Variants in MELK observed in about 807,000 individuals in gnomAD.
MELK encodes the protein maternal embryonic leucine zipper kinase.
Under a neutral mutation model 85.0 loss-of-function variants are expected in MELK, and 81 were observed. The ratio of observed to expected loss-of-function variants is 0.95; its 90% CI spans 0.80 to 1.15. The LOEUF (loss-of-function observed/expected upper bound fraction) is 1.15, where lower values mean the gene tolerates loss of function less well. Ranked by LOEUF, MELK falls within the 50% of genes most tolerant of loss-of-function variation. The probability of loss-of-function intolerance (pLI) is 0.00; values close to 1 mark genes in which losing one functional copy is unlikely to be tolerated. For synonymous variants in MELK, 252 were observed against 265.0 expected (o/e 0.95, Z 0.48); for missense variants, 754 against 777.5 (o/e 0.97, Z 0.36).
chr9:36,632,981 A>G, intron 9 of MELK, 121 bp from the exon 10 acceptor site: 2 of 714,002 alleles, frequency 2.8e-6, no homozygotes, highest in Non-Finnish European at 4.7e-6. Flanking sequence ...AGTCTTTGAC[A>G]GCATTTTTGT....
intron 8 of MELK, among the ~76,000 whole-genome samples, chr9:36,617,945 G>A (rs555721056): frequency 4.6e-5 from 7 of 151,908 alleles, no homozygotes; most frequent in South Asian, 4.2e-4. Flanking sequence ...GGGCAACATC[G>A]TGAGACTCCG....
At chr9:36,664,822 CAG>C (rs1221659987) in intron 13 of MELK, among the ~76,000 whole-genome samples, 3 of 152,288 alleles carry the variant, frequency 2.0e-5, no homozygotes, top group Non-Finnish European at 4.4e-5. Flanking sequence ...CTTAGGGCAG[CAG>C]AGAGTTTCAG....
At chr9:36,647,348 G>T (rs1257020041) in intron 11 of MELK, among the ~76,000 whole-genome samples, 1 of 152,124 alleles carries the variant, frequency 6.6e-6, no homozygotes, top group Non-Finnish European at 1.5e-5. Context: ...TCGTACATGG[G>T]GCTATCATAG....
At chr9:36,633,418 A>G (rs747133452) in intron 10 of MELK, among the ~76,000 whole-genome samples, 3 of 152,204 alleles carry the variant, frequency 2.0e-5, no homozygotes, top group Non-Finnish European at 4.4e-5. Context: ...CCCATCCCAG[A>G]ACACTTAATG....
chr9:36,626,542 G>C (rs1827944755), intron 8 of MELK, among the ~76,000 whole-genome samples: 1 of 152,194 alleles, frequency 6.6e-6, no homozygotes, highest in Non-Finnish European at 1.5e-5. Context: ...AGGCTCTGGA[G>C]AACTTTGTAA....
chr9:36,653,416 G>C (rs1404072701), intron 12 of MELK, among the ~76,000 whole-genome samples: 1 of 152,170 alleles, frequency 6.6e-6, no homozygotes, highest in Non-Finnish European at 1.5e-5. Flanking sequence ...AAAGTGCTGG[G>C]ATTATTGGCA....
intron 8 of MELK, among the ~76,000 whole-genome samples, chr9:36,616,080 G>T (rs993391542): frequency 1.3e-5 from 2 of 152,130 alleles, no homozygotes; most frequent in Non-Finnish European, 2.9e-5. Flanking sequence ...GCTCGCCGGC[G>T]CGGTGGCAAA....
At chr9:36,636,179 A>G (rs922730250) in intron 10 of MELK, among the ~76,000 whole-genome samples, 1 of 152,128 alleles carries the variant, frequency 6.6e-6, no homozygotes, top group South Asian at 2.1e-4. Flanking sequence ...TTATTGCTGC[A>G]TTAAAAACTA....
intron 7 of MELK, among the ~76,000 whole-genome samples, chr9:36,599,715 C>A (rs950190070): frequency 2.0e-5 from 3 of 152,092 alleles, no homozygotes; most frequent in Non-Finnish European, 2.9e-5. Context: ...TTCTGGTGTC[C>A]TTGTTGTGGC....
At chr9:36,591,244 C>T (rs896866273) in intron 4 of MELK, among the ~76,000 whole-genome samples, 3 of 152,036 alleles carry the variant, frequency 2.0e-5, no homozygotes, top group African/African-American at 7.3e-5. Flanking sequence ...AATTTTAAAA[C>T]CTCTTTATAT....
chr9:36,593,043 AGTATT>A (rs1823794242), intron 4 of MELK, among the ~76,000 whole-genome samples: 1 of 152,094 alleles, frequency 6.6e-6, no homozygotes, highest in Non-Finnish European at 1.5e-5. Context: ...TGACTCATAC[AGTATT>A]CTTTTGCTTA....
chr9:36,672,159 C>T (rs991813769), intron 16 of MELK, among the ~76,000 whole-genome samples: 4 of 152,122 alleles, frequency 2.6e-5, no homozygotes, highest in African/African-American at 9.7e-5. Context: ...CATTTCTGTT[C>T]TGTCTTAAAG....
intron 8 of MELK, among the ~76,000 whole-genome samples, chr9:36,615,187 C>G (rs1222436391): frequency 7.0e-6 from 1 of 142,660 alleles, no homozygotes; most frequent in Non-Finnish European, 1.5e-5. Context: ...GGCGGCTGGC[C>G]GGGCGGGGGG....
chr9:36,592,378 G>C (rs1286811973), intron 4 of MELK, among the ~76,000 whole-genome samples: 1 of 151,894 alleles, frequency 6.6e-6, no homozygotes, highest in Non-Finnish European at 1.5e-5. Context: ...GTTTTACCAT[G>C]TTGGCCAGGC....
chr9:36,636,790 G>GTCTGTCTGTCTGTCTGTCTGTCTTTCTT (rs1475022442), intron 10 of MELK, among the ~76,000 whole-genome samples: 1 of 67,620 alleles, frequency 1.5e-5, no homozygotes, highest in Admixed American at 1.8e-4. Context: ...CTTTCTGTCT[G>GTCTGTCTGTCTGTCTGTCTGTCTTTCTT]TCTTTCTTTC....
At chr9:36,615,507 T>C (rs1587443146) in intron 8 of MELK, among the ~76,000 whole-genome samples, 2 of 126,958 alleles carry the variant, frequency 1.6e-5, no homozygotes, top group Admixed American at 7.3e-5. Context: ...CCCCCCCACC[T>C]CCCTCCCGGA....
intron 8 of MELK, among the ~76,000 whole-genome samples, chr9:36,617,338 C>CT (rs988676730): frequency 7.3e-4 from 105 of 143,900 alleles, no homozygotes; most frequent in South Asian, 8.8e-4. Context: ...TTTTTTCTTT[C>CT]TTTTTTTTTT....
At chr9:36,670,874 A>C (rs1832820533) in intron 15 of MELK, 124 bp from the exon 16 acceptor site, 1 of 984,588 alleles carries the variant, frequency 1.0e-6, no homozygotes, top group Non-Finnish European at 1.4e-6. Context: ...GAGAGAGGTG[A>C]TCTGGCCCTG....
chr9:36,604,974 G>A lies in MELK; in HGVS notation c.568-2601G>A, dbSNP rs531410763. ...TATTTATTTATTTTTTTGAGACGAAGTCTTGCTCTTGTCCCCCAGGCTGGA... is the reference window on the plus strand; with the variant it reads ...TATTTATTTATTTTTTTGAGACGAAATCTTGCTCTTGTCCCCCAGGCTGGA... On this transcript the variant is annotated intron_variant, in intron 7 of 17. Coordinates refer to ENST00000298048, the MANE Select transcript of MELK (RefSeq NM_014791.4). Among the ~76,000 whole-genome samples the A allele has an allele frequency of 3.7e-4, 56 of 151,596 alleles. No homozygotes were observed. In the South Asian group the frequency reaches 0.012, roughly 32 times the overall value.
Sources: allele counts gnomAD v4.1 joint callset (sites outside exome capture counted in the v4.1 genomes callset), GRCh38; gene constraint gnomAD v4.1.1; transcripts MANE v1.5; gene names NCBI Gene and HGNC (gene_info 2026-07-23, HGNC 2026-07-21).